BMPR1B: variants seen among roughly 807,000 people sequenced by gnomAD.
BMPR1B encodes bone morphogenetic protein receptor type-1B.
Under a neutral mutation model 59.1 loss-of-function variants are expected in BMPR1B, and 12 were observed. The observed-to-expected ratio is 0.20, with a 90% CI of 0.13 to 0.33. BMPR1B has a LOEUF of 0.33. BMPR1B is among the 10% of genes least tolerant of loss of function. The pLI is 1.00. For missense variants in BMPR1B, 550 were observed against 610.9 expected, an observed-to-expected ratio of 0.90 and a Z score of 1.05; for synonymous variants, 237 against 207.3, an observed-to-expected ratio of 1.14 and a Z score of -1.23.
chr4:94,787,185 C>T lies in BMPR1B; in HGVS notation c.-183+29117C>T, dbSNP rs140828513. Among the ~76,000 whole-genome samples, 18 of 152,236 alleles carry T rather than the reference C, an allele frequency of 1.2e-4. No individual in the cohort carries two copies. The East Asian group carries it at 3.5e-3, about 29-fold the overall frequency. ...TTGGACCTTAAAAGACGTACTAAAGCATCCTTACCAGAATTGACATATACT... is the reference window on the plus strand; with the variant it reads ...TTGGACCTTAAAAGACGTACTAAAGTATCCTTACCAGAATTGACATATACT... On this transcript the variant is annotated intron_variant, in intron 1 of 12. Coordinates refer to ENST00000515059, the MANE Select transcript of BMPR1B (RefSeq NM_001203.3).
At chr4:94,890,731 C>T (rs141033355) in intron 2 of BMPR1B, among the ~76,000 whole-genome samples, 74 of 152,130 alleles carry the variant, frequency 4.9e-4, no homozygotes, top group African/African-American at 1.6e-3. Context: ...AGCGTCCTTA[C>T]GTGGTGAAGA....
At chr4:95,020,957 C>A (rs1032027082) in intron 3 of BMPR1B, among the ~76,000 whole-genome samples, 1 of 152,150 alleles carries the variant, frequency 6.6e-6, no homozygotes, top group Non-Finnish European at 1.5e-5. Context: ...CTCAAGTGAT[C>A]CTCCTGCCTT....
intron 3 of BMPR1B, among the ~76,000 whole-genome samples, chr4:95,092,891 A>G (rs1261408484): frequency 3.3e-5 from 5 of 152,124 alleles, no homozygotes; most frequent in African/African-American, 1.2e-4. Flanking sequence ...GGCAAGTTGA[A>G]CATCTACTTT....
chr4:94,853,822 T>TA (rs531565120), intron 1 of BMPR1B, among the ~76,000 whole-genome samples: 2,584 of 151,956 alleles, frequency 0.017, 36 homozygotes, highest in Non-Finnish European at 0.026. Flanking sequence ...TTTGGAAATT[T>TA]AAAAAAAAAC....
At chr4:94,761,890 G>GA (rs1046519341) in intron 1 of BMPR1B, among the ~76,000 whole-genome samples, 13 of 152,168 alleles carry the variant, frequency 8.5e-5, no homozygotes, top group African/African-American at 3.1e-4. Context: ...AGAATTCAGG[G>GA]AAAGGAGGGG....
intron 2 of BMPR1B, among the ~76,000 whole-genome samples, chr4:94,979,606 A>G (rs140706044): frequency 6.6e-6 from 1 of 152,234 alleles, no homozygotes; most frequent in Non-Finnish European, 1.5e-5. Flanking sequence ...AAAGTGAAGA[A>G]AAATTACATC....
chr4:95,115,924 G>A (rs890271302), intron 6 of BMPR1B, 137 bp downstream of exon 6: 7 of 771,270 alleles, frequency 9.1e-6, no homozygotes, highest in African/African-American at 6.9e-5. Context: ...AGATGACATG[G>A]AACCATCATT....
At chr4:94,770,606 A>C (rs548030225) in intron 1 of BMPR1B, among the ~76,000 whole-genome samples, 1 of 152,188 alleles carries the variant, frequency 6.6e-6, no homozygotes, top group East Asian at 1.9e-4. Flanking sequence ...GACCTGGAAA[A>C]TTTAATCTAT....
At chr4:94,803,790 C>T (rs1368830675) in intron 1 of BMPR1B, among the ~76,000 whole-genome samples, 1 of 152,128 alleles carries the variant, frequency 6.6e-6, no homozygotes, top group Non-Finnish European at 1.5e-5. Context: ...CTAGATAAAT[C>T]TTAATCTCCC....
rs574427984 is a variant in BMPR1B at position 94,970,151 on chromosome 4, T to G, written c.-112-25889T>G. On this transcript the variant is annotated intron_variant, in intron 2 of 12. Coordinates refer to ENST00000515059, the MANE Select transcript of BMPR1B (RefSeq NM_001203.3). ...TTTACTCTGACAATAATTCAGCATC[T>G]TAAAGTGCTAGGATATTCTATTGAA... is the stretch of plus-strand genomic sequence containing the variant. Among the ~76,000 whole-genome samples, 25 of 152,300 alleles carry G rather than the reference T, an allele frequency of 1.6e-4. 1 individual carries two copies. The South Asian group carries it at 5.2e-3, about 32-fold the overall frequency.
chr4:95,120,652 TTCCTTC>T (rs1250777273), intron 6 of BMPR1B, among the ~76,000 whole-genome samples: 336 of 33,304 alleles, frequency 0.01, 2 homozygotes, highest in Middle Eastern at 0.025. Context: ...CTTCCTTCCT[TTCCTTC>T]CTTCCTTCTT....
At chr4:95,104,782 C>G (rs1478644378) in intron 4 of BMPR1B, among the ~76,000 whole-genome samples, 1 of 152,094 alleles carries the variant, frequency 6.6e-6, no homozygotes, top group Non-Finnish European at 1.5e-5. Flanking sequence ...CCAGACAGCT[C>G]ACATACACAT....
chr4:95,123,641 T>G (rs1341077688), intron 6 of BMPR1B, among the ~76,000 whole-genome samples, 169 bp from the exon 7 acceptor site: 3 of 152,208 alleles, frequency 2.0e-5, no homozygotes, highest in African/African-American at 7.2e-5. Context: ...CTAGTCAAAC[T>G]TATTTAATTT....
chr4:95,019,506 A>G (rs973708108), intron 3 of BMPR1B, among the ~76,000 whole-genome samples: 3 of 152,178 alleles, frequency 2.0e-5, no homozygotes, highest in Admixed American at 6.5e-5. Flanking sequence ...AGAAACTGTT[A>G]TGTTTTTAAA....
chr4:94,798,398 A>C (rs1413321942), intron 1 of BMPR1B, among the ~76,000 whole-genome samples: 2 of 152,236 alleles, frequency 1.3e-5, no homozygotes, highest in Non-Finnish European at 2.9e-5. Flanking sequence ...AGAATTCATC[A>C]GCATGAAGAG....
At chr4:94,860,552 G>A (rs973549832) in intron 1 of BMPR1B, among the ~76,000 whole-genome samples, 2 of 152,128 alleles carry the variant, frequency 1.3e-5, no homozygotes, top group Non-Finnish European at 2.9e-5. Flanking sequence ...TATGGACTTT[G>A]ATTGAACCTG....
At chr4:95,090,007 G>A (rs1454004017) in intron 3 of BMPR1B, among the ~76,000 whole-genome samples, 2 of 151,834 alleles carry the variant, frequency 1.3e-5, no homozygotes, top group Admixed American at 6.6e-5. Context: ...TCTTTCATTC[G>A]GCCTCAGGGT....
intron 1 of BMPR1B, among the ~76,000 whole-genome samples, chr4:94,870,614 T>C (rs1372915833): frequency 6.6e-6 from 1 of 152,210 alleles, no homozygotes; most frequent in Non-Finnish European, 1.5e-5. Context: ...GATTTAGTGT[T>C]CTACTGTTTA....
intron 1 of BMPR1B, among the ~76,000 whole-genome samples, chr4:94,842,735 T>C (rs1725139864): frequency 6.6e-6 from 1 of 152,214 alleles, no homozygotes; most frequent in East Asian, 1.9e-4. Context: ...TGCAGGACAA[T>C]TTGAAAACTA....
Sources: gnomAD v4.1 joint callset for allele counts (sites outside exome capture counted in the v4.1 genomes callset) on GRCh38, gnomAD v4.1.1 for gene constraint, MANE v1.5 for transcripts, NCBI Gene and HGNC (gene_info 2026-07-23, HGNC 2026-07-21) for gene names.